Variants in NRG1 observed in about 807,000 individuals in gnomAD.
NRG1 encodes pro-neuregulin-1, membrane-bound isoform.
NRG1 carries 18 observed loss-of-function variants against 63.8 expected under a neutral mutation model. That is an observed-to-expected ratio of 0.28 (90% confidence interval 0.19 to 0.42). The LOEUF is 0.42. Among genes scored for constraint, NRG1 ranks in the 10% least tolerant of loss-of-function variants. NRG1 has a pLI of 1.00. For synonymous variants in NRG1, 302 were observed against 301.3 expected, an observed-to-expected ratio of 1.00 and a Z score of -0.02; for missense variants, 762 against 814.7, an observed-to-expected ratio of 0.94 and a Z score of 0.79.
intron 1 of NRG1, among the ~76,000 whole-genome samples, chr8:32,254,894 G>A (rs547600487): frequency 4.6e-5 from 7 of 151,916 alleles, no homozygotes; most frequent in African/African-American, 1.2e-4. Context: ...ATTTGGATGT[G>A]TATATATTTA....
intron 1 of NRG1, among the ~76,000 whole-genome samples, chr8:31,969,246 A>C (rs1806878845): frequency 6.6e-6 from 1 of 152,168 alleles, no homozygotes; most frequent in African/African-American, 2.4e-5. Flanking sequence ...CAAAACCATA[A>C]TATTTTTGTT....
rs7841182 is a variant in NRG1 at position 32,555,495 on chromosome 8, G to A, written c.100+6669G>A. 2.8e-3 allele frequency among the ~76,000 whole-genome samples: 424 copies of A among 152,158 alleles called. 1 individual carries two copies. The highest frequency in any genetic ancestry group is 8.9e-3 in the African/African-American group (368 of 41,524). On this transcript the variant is annotated intron_variant, in intron 1 of 11. Coordinates refer to ENST00000356819, the Ensembl canonical transcript of NRG1. ...TTTATTTATGTACTTTTTTTGAGAC[G>A]GAGTCTCACTGTGTCACCCAGGCTG...
intron 1 of NRG1, among the ~76,000 whole-genome samples, chr8:32,428,327 T>C (rs1014009990): frequency 2.1e-5 from 3 of 142,046 alleles, no homozygotes; most frequent in African/African-American, 7.7e-5. Context: ...TAGCATTGTT[T>C]TATTTGAGTG....
intron 1 of NRG1, among the ~76,000 whole-genome samples, chr8:32,347,745 G>C (rs145460269): frequency 6.6e-6 from 1 of 152,258 alleles, no homozygotes; most frequent in Non-Finnish European, 1.5e-5. Flanking sequence ...TAAATAAATC[G>C]AGAAGGGTTA....
At chr8:31,662,391 G>T (rs576051914) in intron 1 of NRG1, among the ~76,000 whole-genome samples, 1 of 152,204 alleles carries the variant, frequency 6.6e-6, no homozygotes, top group African/African-American at 2.4e-5. Context: ...ATGAAGGACT[G>T]TGAAAAAGCT....
At chr8:31,842,870 C>T (rs1339013007) in intron 1 of NRG1, among the ~76,000 whole-genome samples, 2 of 152,114 alleles carry the variant, frequency 1.3e-5, no homozygotes, top group Admixed American at 6.6e-5. Flanking sequence ...AAGTTTTACC[C>T]TCTAATTTCT....
intron 1 of NRG1, among the ~76,000 whole-genome samples, chr8:31,818,741 T>G (rs117526081): frequency 6.6e-6 from 1 of 151,860 alleles, no homozygotes; most frequent in African/African-American, 2.4e-5. Flanking sequence ...AAGCTGGGAG[T>G]TGGGGACCCG....
At chr8:31,734,080 C>A (rs1426506521) in intron 1 of NRG1, among the ~76,000 whole-genome samples, 5 of 152,132 alleles carry the variant, frequency 3.3e-5, no homozygotes, top group Admixed American at 6.6e-5. Flanking sequence ...GTGGCTCATG[C>A]ATGTAATCCC....
chr8:32,103,676 G>A (rs1213064923), intron 1 of NRG1, among the ~76,000 whole-genome samples: 2 of 152,134 alleles, frequency 1.3e-5, no homozygotes, highest in African/African-American at 2.4e-5. Context: ...CTCTTGGGGA[G>A]CCATATGGAA....
upstream of NRG1, among the ~76,000 whole-genome samples, chr8:32,546,694 AC>A (rs1160540771): frequency 6.6e-6 from 1 of 152,194 alleles, no homozygotes; most frequent in Non-Finnish European, 1.5e-5. Context: ...ATCAGAAGCT[AC>A]TTGGACATCA....
chr8:31,642,655 C>T (rs1329788050), intron 1 of NRG1, among the ~76,000 whole-genome samples: 5 of 152,052 alleles, frequency 3.3e-5, no homozygotes, highest in Non-Finnish European at 1.5e-5. Context: ...AGTTGTGGCA[C>T]GTTTTAAAAA....
At chr8:32,226,624 C>T (rs1846355955) in intron 1 of NRG1, among the ~76,000 whole-genome samples, 1 of 152,114 alleles carries the variant, frequency 6.6e-6, no homozygotes, top group South Asian at 2.1e-4. Flanking sequence ...AAGTTTGTCT[C>T]CTCTTTGGTG....
chr8:32,644,850 A>T lies in NRG1; in HGVS notation c.502+27965A>T, dbSNP rs186374867. On this transcript the variant is annotated intron_variant, in intron 5 of 11. Transcript: ENST00000356819. ...ATGTTTGCTCTTAATGGTTGAGGTA[A>T]GGTGAATAATTGCTCTTGGTGTAAG... 7.7e-3 allele frequency among the ~76,000 whole-genome samples: 1,167 copies of T among 151,748 alleles called. 6 individuals carry two copies. The highest frequency in any genetic ancestry group is 0.024 in the Middle Eastern group (7 of 294).
intron 1 of NRG1, among the ~76,000 whole-genome samples, chr8:32,016,783 A>T (rs1296864432): frequency 6.6e-6 from 1 of 152,204 alleles, no homozygotes; most frequent in Non-Finnish European, 1.5e-5. Flanking sequence ...ACATGAAAAA[A>T]AATTTAAGCG....
chr8:31,854,309 A>T (rs1467150209), intron 1 of NRG1, among the ~76,000 whole-genome samples: 1 of 152,336 alleles, frequency 6.6e-6, no homozygotes, highest in Non-Finnish European at 1.5e-5. Context: ...TGGTCTACTC[A>T]GAGATTCAAC....
intron 1 of NRG1, among the ~76,000 whole-genome samples, chr8:32,132,833 A>G (rs576349709): frequency 6.6e-6 from 1 of 152,268 alleles, no homozygotes; most frequent in Non-Finnish European, 1.5e-5. Context: ...TTAATTAACG[A>G]AAAAGCAGTT....
At chr8:31,805,233 T>C (rs1822153176) in intron 1 of NRG1, among the ~76,000 whole-genome samples, 1 of 152,072 alleles carries the variant, frequency 6.6e-6, no homozygotes, top group African/African-American at 2.4e-5. Context: ...TCAAAGTATA[T>C]AAAATTGAAA....
chr8:31,922,926 G>T (rs1452487001), intron 1 of NRG1, among the ~76,000 whole-genome samples: 1 of 152,152 alleles, frequency 6.6e-6, no homozygotes, highest in East Asian at 1.9e-4. Context: ...CTAGCATAGA[G>T]CTGGGGAAGC....
At chr8:32,007,332 C>A (rs547212219) in intron 1 of NRG1, among the ~76,000 whole-genome samples, 3 of 152,088 alleles carry the variant, frequency 2.0e-5, no homozygotes, top group South Asian at 4.2e-4. Flanking sequence ...ATTGATCAGG[C>A]AAATAATCTC....
Sources: gnomAD v4.1 joint callset for allele counts (sites outside exome capture counted in the v4.1 genomes callset) on GRCh38, gnomAD v4.1.1 for gene constraint, MANE v1.5 for transcripts, NCBI Gene and HGNC (gene_info 2026-07-23, HGNC 2026-07-21) for gene names.